Variants in FHIT observed in about 807,000 individuals in gnomAD.
FHIT encodes the protein fragile histidine triad diadenosine triphosphatase.
In FHIT, 19 loss-of-function variants were observed where a neutral mutation model predicts 17.9. The observed-to-expected ratio is 1.06, with a 90% CI of 0.74 to 1.56. The LOEUF (loss-of-function observed/expected upper bound fraction) is 1.56, where lower values mean the gene tolerates loss of function less well. FHIT is among the 40% of genes most tolerant of loss of function. The probability of loss-of-function intolerance (pLI) is 0.00; values close to 1 mark genes in which losing one functional copy is unlikely to be tolerated. For synonymous variants in FHIT, 81 were observed against 69.7 expected (o/e 1.16, Z -0.81); for missense variants, 248 against 189.2 (o/e 1.31, Z -1.82).
intron 5 of FHIT, among the ~76,000 whole-genome samples, chr3:60,144,908 G>C (rs951650847): frequency 2.0e-5 from 3 of 152,104 alleles, no homozygotes; most frequent in African/African-American, 7.2e-5. Context: ...CAACTGGTCT[G>C]TGAAAATATT....
Position 60,452,060 on chromosome 3 carries a change from C to T in FHIT, c.103+84800G>A, listed in dbSNP as rs563968829. ...TTTCCCTCTGAGCAAATAAACATAC[C>T]ACACTTTATTTCTATACTTCTGTGA... On this transcript the variant is annotated intron_variant, in intron 5 of 9. Transcript: ENST00000492590. Among the ~76,000 whole-genome samples the T allele has an allele frequency of 2.8e-4, 42 of 152,174 alleles. No individual in the cohort carries two copies. In the South Asian group the frequency reaches 3.3e-3, roughly 12 times the overall value.
chr3:60,425,588 G>A (rs1576633742), intron 5 of FHIT, among the ~76,000 whole-genome samples: 1 of 152,116 alleles, frequency 6.6e-6, no homozygotes, highest in South Asian at 2.1e-4. Context: ...CAACAGGGAA[G>A]CATCCCTTTT....
chr3:59,811,192 T>C (rs1372518842), intron 8 of FHIT, among the ~76,000 whole-genome samples: 1 of 152,224 alleles, frequency 6.6e-6, no homozygotes, highest in Admixed American at 6.5e-5. Flanking sequence ...AACACATCTG[T>C]ACTAAGCACA....
chr3:61,209,109 GA>G (rs2039359545), intron 1 of FHIT, among the ~76,000 whole-genome samples: 1 of 152,100 alleles, frequency 6.6e-6, no homozygotes, highest in Non-Finnish European at 1.5e-5. Flanking sequence ...ATGCTGGGTT[GA>G]AAATTCTTTC....
chr3:60,539,499 T>G (rs1156816502), intron 4 of FHIT, among the ~76,000 whole-genome samples: 1 of 152,062 alleles, frequency 6.6e-6, no homozygotes, highest in Non-Finnish European at 1.5e-5. Flanking sequence ...CACACATATG[T>G]TTATTGCGGC....
intron 3 of FHIT, among the ~76,000 whole-genome samples, chr3:60,910,237 C>T (rs1448284007): frequency 6.6e-6 from 1 of 152,046 alleles, no homozygotes; most frequent in Non-Finnish European, 1.5e-5. Flanking sequence ...ATCTTGGGCA[C>T]TTAAATTCAC....
intron 5 of FHIT, among the ~76,000 whole-genome samples, chr3:60,104,126 T>G (rs1368281786): frequency 6.6e-6 from 1 of 152,200 alleles, no homozygotes; most frequent in Admixed American, 6.5e-5. Flanking sequence ...GAACTCATTT[T>G]GGGGAGGAAA....
chr3:60,644,480 G>A (rs1372092175), intron 4 of FHIT, among the ~76,000 whole-genome samples: 2 of 152,174 alleles, frequency 1.3e-5, no homozygotes, highest in African/African-American at 2.4e-5. Flanking sequence ...ACATAGGTAT[G>A]TACCTAGGAG....
intron 5 of FHIT, among the ~76,000 whole-genome samples, chr3:60,393,541 C>A (rs1415594263): frequency 6.6e-6 from 1 of 151,832 alleles, no homozygotes; most frequent in Admixed American, 6.6e-5. Flanking sequence ...TTAGGAAAAG[C>A]TGACCAAATA....
chr3:59,819,403 C>A (rs1700713321), intron 8 of FHIT, among the ~76,000 whole-genome samples: 1 of 152,108 alleles, frequency 6.6e-6, no homozygotes, highest in Non-Finnish European at 1.5e-5. Flanking sequence ...ATATGTTTGT[C>A]TGTACTTCAT....
intron 8 of FHIT, among the ~76,000 whole-genome samples, chr3:59,847,848 T>C (rs1701777223): frequency 6.6e-6 from 1 of 152,174 alleles, no homozygotes; most frequent in African/African-American, 2.4e-5. Flanking sequence ...GCCTGGAACA[T>C]GCACAGTAGC....
At position 60,773,349 on chromosome 3, in the gene FHIT, ACATCTCCCTAGACTT is replaced by A. The variant is rs199821352; in HGVS notation, c.-18+48555_-18+48569del. On this transcript the variant is annotated intron_variant, in intron 4 of 9. Coordinates refer to ENST00000492590, the MANE Select transcript of FHIT (RefSeq NM_002012.4). Reference sequence around the variant, plus strand: ...TAGCTCTGTACCCAATTAAGCCCAAACATCTCCCTAGACTTCATCTCCATAATCATATGGGTATCT... The same window carrying A: ...TAGCTCTGTACCCAATTAAGCCCAAACATCTCCATAATCATATGGGTATCT... Among the ~76,000 whole-genome samples, 1,506 of 152,284 alleles carry A rather than the reference ACATCTCCCTAGACTT, an allele frequency of 9.9e-3. 21 individuals carry two copies. Among genetic ancestry groups the A allele is most frequent in the Non-Finnish European group, 0.012 (805 of 68,016 alleles).
At chr3:60,407,067 ATTTTTTTTTT>A (rs34542104) in intron 5 of FHIT, among the ~76,000 whole-genome samples, 4 of 62,878 alleles carry the variant, frequency 6.4e-5, no homozygotes, top group Admixed American at 2.3e-4. Flanking sequence ...CCTGCCAATA[ATTTTTTTTTT>A]TTTTTTTTTT....
At chr3:60,484,427 AG>A in intron 5 of FHIT, among the ~76,000 whole-genome samples, 1 of 152,352 alleles carries the variant, frequency 6.6e-6, no homozygotes, top group Middle Eastern at 3.4e-3. Context: ...CTATACTACA[AG>A]GCTACAGTAA....
chr3:60,236,179 A>G (rs1704774881), intron 5 of FHIT, among the ~76,000 whole-genome samples: 2 of 151,228 alleles, frequency 1.3e-5, no homozygotes, highest in East Asian at 3.9e-4. Context: ...AATCAATTCC[A>G]TTGTTCTAAG....
intron 5 of FHIT, among the ~76,000 whole-genome samples, chr3:60,365,761 C>T (rs777297720): frequency 3.3e-5 from 5 of 152,136 alleles, no homozygotes; most frequent in Non-Finnish European, 4.4e-5. Context: ...AAGTCAACTC[C>T]TGGTCTAGTG....
chr3:60,211,171 CGAAA>C (rs1319104517), intron 5 of FHIT, among the ~76,000 whole-genome samples: 2 of 147,704 alleles, frequency 1.4e-5, no homozygotes, highest in Non-Finnish European at 3.0e-5. Context: ...TTCTAAAGAA[CGAAA>C]GAAAGTTGAA....
At chr3:60,853,057 G>C (rs1306017326) in intron 3 of FHIT, among the ~76,000 whole-genome samples, 1 of 151,922 alleles carries the variant, frequency 6.6e-6, no homozygotes, top group Non-Finnish European at 1.5e-5. Context: ...CTCAACACAT[G>C]GTTTATTCAA....
intron 3 of FHIT, among the ~76,000 whole-genome samples, chr3:60,926,826 A>T (rs1396999851): frequency 6.6e-6 from 1 of 152,332 alleles, no homozygotes; most frequent in East Asian, 1.9e-4. Flanking sequence ...ATAAAGAAGA[A>T]GAGAGAGAAG....
Sources: allele counts gnomAD v4.1 joint callset (sites outside exome capture counted in the v4.1 genomes callset), GRCh38; gene constraint gnomAD v4.1.1; transcripts MANE v1.5; gene names NCBI Gene and HGNC (gene_info 2026-07-23, HGNC 2026-07-21).